The following SNX7 variants were observed in gnomAD, a reference collection of about 807,000 sequenced individuals.
The protein encoded by SNX7 is sorting nexin 7.
A neutral mutation model predicts 48.4 loss-of-function variants in SNX7; 35 were observed. The ratio of observed to expected loss-of-function variants is 0.72; its 90% confidence interval spans 0.55 to 0.96. The LOEUF (loss-of-function observed/expected upper bound fraction) is 0.96, where lower values mean the gene tolerates loss of function less well. Ranked by LOEUF, SNX7 falls within the 40% of genes least tolerant of loss-of-function variation. SNX7 has a pLI of 0.00. For missense variants in SNX7, 553 were observed against 548.9 expected (o/e 1.01, Z -0.07); for synonymous variants, 190 against 190.2 (o/e 1.00, Z 0.01).
intron 8 of SNX7, among the ~76,000 whole-genome samples, chr1:98,753,772 G>C (rs754533867): frequency 1.3e-5 from 2 of 152,002 alleles, no homozygotes; most frequent in Admixed American, 6.6e-5. Context: ...GTAAAGTGTG[G>C]TGCTGTTCCT....
chr1:98,689,613 T>C (rs997373125), intron 2 of SNX7, among the ~76,000 whole-genome samples: 1 of 152,218 alleles, frequency 6.6e-6, no homozygotes, highest in Non-Finnish European at 1.5e-5. Context: ...TTTTTTTCTT[T>C]TGAGTGCTTC....
intron 7 of SNX7, among the ~76,000 whole-genome samples, chr1:98,706,992 G>C (rs965001047): frequency 6.6e-6 from 1 of 152,122 alleles, no homozygotes; most frequent in Non-Finnish European, 1.5e-5. Flanking sequence ...AAATTCATAG[G>C]TTCAGCTGAA....
At chr1:98,694,371 A>G (rs893447135) in intron 4 of SNX7, among the ~76,000 whole-genome samples, 5 of 143,016 alleles carry the variant, frequency 3.5e-5, no homozygotes, top group African/African-American at 1.3e-4. Context: ...CTCCGTCTCA[A>G]AAAAAAAAAA....
Position 98,691,165 on chromosome 1 carries a change from C to T in SNX7, c.454C>T (p.His152Tyr), listed in dbSNP as rs1651099745. The part of the protein sequence containing the change: ...LWLKGKLEEA[H>Y]PTLIIPPLPE... ...GTTGAAGGGAAAACTGGAAGAAGCA[C>T]ACCCCACTCTGATTATTCCAGTAAG... is the stretch of plus-strand genomic sequence containing the variant. Residue 152 changes from histidine to tyrosine, a missense_variant, in exon 3 of 9, where the codon CAC (histidine) becomes TAC (tyrosine). By Grantham distance (83) the His-to-Tyr change is moderately conservative. Transcript: ENST00000306121. 2 of 1,608,620 alleles carry T rather than the reference C, an allele frequency of 1.2e-6. No individual in the cohort carries two copies. The highest frequency in any genetic ancestry group is 1.7e-4 in the Middle Eastern group (1 of 6,034).
At chr1:98,723,238 T>C (rs1652980261) in intron 7 of SNX7, among the ~76,000 whole-genome samples, 1 of 152,184 alleles carries the variant, frequency 6.6e-6, no homozygotes, top group Non-Finnish European at 1.5e-5. Flanking sequence ...CTGGGAACTA[T>C]TATTTAAGCT....
At position 98,685,080 on chromosome 1, in the gene SNX7, T is replaced by A; in HGVS notation, c.363+13T>A. On this transcript the variant is annotated intron_variant, in intron 2 of 8. Transcript: ENST00000306121. ...GATTATTACTAAGGTAAACATTTGG[T>A]GAATATTTTCTTGAATATAGCTGCT... is the stretch of plus-strand genomic sequence containing the variant. The A allele has an allele frequency of 7.2e-7, 1 of 1,390,456 alleles. No individual in the cohort carries two copies. The highest frequency in any genetic ancestry group is 9.5e-7 in the Non-Finnish European group (1 of 1,052,984). 86.1% of individuals were successfully genotyped at this position (1,390,456 alleles called of 1,614,324 possible). A position where few individuals can be genotyped will look rare whatever the true frequency, so the allele number is the denominator to read the frequency against.
At chr1:98,730,923 A>G (rs1653473823) in intron 7 of SNX7, among the ~76,000 whole-genome samples, 1 of 152,084 alleles carries the variant, frequency 6.6e-6, no homozygotes, top group African/African-American at 2.4e-5. Flanking sequence ...CAAACACCAC[A>G]TGTTCCCACT....
chr1:98,757,712 A>T (rs1027616610), intron 8 of SNX7, among the ~76,000 whole-genome samples: 1 of 145,464 alleles, frequency 6.9e-6, no homozygotes, highest in African/African-American at 2.6e-5. Context: ...ATTGCTTTAT[A>T]TATATAGTAT....
chr1:98,744,757 T>TATCC (rs1204494486), intron 8 of SNX7, among the ~76,000 whole-genome samples: 1 of 151,958 alleles, frequency 6.6e-6, no homozygotes, highest in South Asian at 2.1e-4. Context: ...AAACAAAAAC[T>TATCC]ATCCATTGCT....
intron 7 of SNX7, among the ~76,000 whole-genome samples, chr1:98,723,510 T>G (rs1199186344): frequency 1.3e-5 from 2 of 152,142 alleles, no homozygotes; most frequent in Non-Finnish European, 2.9e-5. Context: ...TGCATACCTA[T>G]TCTATATTTA....
At chr1:98,689,194 C>T (rs1001794065) in intron 2 of SNX7, among the ~76,000 whole-genome samples, 3 of 152,100 alleles carry the variant, frequency 2.0e-5, no homozygotes, top group South Asian at 2.1e-4. Context: ...TGAGCCACTG[C>T]GACATCTTAC....
At chr1:98,704,267 A>G (rs1651906130) in intron 7 of SNX7, among the ~76,000 whole-genome samples, 1 of 152,168 alleles carries the variant, frequency 6.6e-6, no homozygotes, top group Non-Finnish European at 1.5e-5. Flanking sequence ...AAAATTTGAA[A>G]CTTTAATTAT....
At chr1:98,709,537 T>C (rs1652190009) in intron 7 of SNX7, among the ~76,000 whole-genome samples, 1 of 152,172 alleles carries the variant, frequency 6.6e-6, no homozygotes, top group Non-Finnish European at 1.5e-5. Context: ...AAGGACATTT[T>C]AAGGAGAACC....
At chr1:98,670,308 C>T (rs1401793183) in intron 1 of SNX7, among the ~76,000 whole-genome samples, 1 of 152,012 alleles carries the variant, frequency 6.6e-6, no homozygotes, top group East Asian at 1.9e-4. Flanking sequence ...GCTATTAATA[C>T]TATAATAGCA....
intron 1 of SNX7, chr1:98,662,484 T>A (rs992094876): frequency 2.3e-5 from 8 of 340,766 alleles, no homozygotes; most frequent in Non-Finnish European, 3.9e-5. Flanking sequence ...AGCTAAGGAT[T>A]TTTCAGATGG....
At chr1:98,749,731 A>G (rs1654490328) in intron 8 of SNX7, among the ~76,000 whole-genome samples, 1 of 152,080 alleles carries the variant, frequency 6.6e-6, no homozygotes, top group Non-Finnish European at 1.5e-5. Context: ...GAGATTTAAA[A>G]AGTTACTAAA....
At chr1:98,690,040 T>G (rs1486212152) in intron 2 of SNX7, among the ~76,000 whole-genome samples, 1 of 152,184 alleles carries the variant, frequency 6.6e-6, no homozygotes, top group Non-Finnish European at 1.5e-5. Context: ...ATAGCTTTCA[T>G]GGACCTTATT....
intron 4 of SNX7, 139 bp downstream of exon 4, chr1:98,691,838 A>C (rs1651145834): frequency 1.6e-6 from 1 of 630,692 alleles, no homozygotes; most frequent in East Asian, 3.3e-5. Flanking sequence ...AACACTGGAG[A>C]GTTATCCTTC....
intron 7 of SNX7, among the ~76,000 whole-genome samples, chr1:98,722,079 A>G (rs1652905849): frequency 6.6e-6 from 1 of 152,030 alleles, no homozygotes; most frequent in East Asian, 1.9e-4. Context: ...AATTATAATC[A>G]TGATTTGAGG....
Sources: gnomAD v4.1 joint callset for allele counts (sites outside exome capture counted in the v4.1 genomes callset) on GRCh38, gnomAD v4.1.1 for gene constraint, MANE v1.5 for transcripts, NCBI Gene and HGNC (gene_info 2026-07-23, HGNC 2026-07-21) for gene names.